CHSY3: variants seen among roughly 807,000 people sequenced by gnomAD.
CHSY3 encodes N-acetylgalactosaminyl-proteoglycan 3-beta-glucuronosyltransferase 3.
A neutral mutation model predicts 67.2 loss-of-function variants in CHSY3; 35 were observed. The ratio of observed to expected loss-of-function variants is 0.52; its 90% CI spans 0.40 to 0.69. The LOEUF is 0.69. Among genes scored for constraint, CHSY3 ranks in the 30% least tolerant of loss-of-function variants. The pLI, the probability that CHSY3 is intolerant of heterozygous loss-of-function variation, is 0.00. For synonymous variants in CHSY3, 474 were observed against 434.7 expected (o/e 1.09, Z -1.12); for missense variants, 1,069 against 1,138.5 (o/e 0.94, Z 0.88).
chr5:130,104,312 A>C (rs562316397), intron 2 of CHSY3, among the ~76,000 whole-genome samples: 1 of 152,054 alleles, frequency 6.6e-6, no homozygotes, highest in South Asian at 2.1e-4. Flanking sequence ...ATGTTTTCTC[A>C]TGGGAATCCT....
chr5:130,046,531 T>C (rs1765154995), intron 2 of CHSY3, among the ~76,000 whole-genome samples: 1 of 152,140 alleles, frequency 6.6e-6, no homozygotes, highest in South Asian at 2.1e-4. Flanking sequence ...AAGCTGTACC[T>C]ACAGAGACAG....
rs1760176658 is a variant in CHSY3 at position 129,904,861 on chromosome 5, G to A, written c.32G>A (p.Ser11Asn). The change falls in exon 1 of 3, where the codon AGC becomes AAC. Residue 11 changes from serine to asparagine, a missense_variant. Physicochemically the swap from Ser to Asn is conservative, Grantham distance 46. This residue lies in a region of CHSY3 where 309 missense variants were observed against 262.5 expected (regional missense o/e 1.18). Coordinates refer to ENST00000305031, the MANE Select transcript of CHSY3 (RefSeq NM_175856.5). MAVRSRRPWM[S>N]VALGLVLGFT... is the part of the protein sequence containing the mutation. ...GTGCGCTCTCGCCGCCCGTGGATGA[G>A]CGTGGCATTAGGGCTGGTGCTGGGC... 2.0e-6 allele frequency: 3 copies of A among 1,471,236 alleles called. No homozygotes were observed. Among genetic ancestry groups the A allele is most frequent in the Non-Finnish European group, 1.8e-6 (2 of 1,107,216 alleles). The allele number at this position is 1,471,236 out of a possible 1,614,324, so 91.1% of individuals were successfully genotyped here.
chr5:129,991,877 C>A (rs775925914), intron 2 of CHSY3, among the ~76,000 whole-genome samples: 6 of 152,130 alleles, frequency 3.9e-5, no homozygotes, highest in Non-Finnish European at 5.9e-5. Context: ...CAAAAGATTT[C>A]AGGGAACATG....
intron 2 of CHSY3, among the ~76,000 whole-genome samples, chr5:129,939,298 G>T (rs1221398770): frequency 6.6e-6 from 1 of 152,128 alleles, no homozygotes; most frequent in Non-Finnish European, 1.5e-5. Context: ...GGGGATTGCA[G>T]TTCAACATGA....
chr5:130,160,816 A>G (rs1769508893), intron 2 of CHSY3, among the ~76,000 whole-genome samples: 1 of 152,156 alleles, frequency 6.6e-6, no homozygotes, highest in African/African-American at 2.4e-5. Flanking sequence ...CTACAACTAC[A>G]GATAATCCTT....
chr5:129,946,122 C>A (rs1761848279), intron 2 of CHSY3, among the ~76,000 whole-genome samples: 1 of 152,120 alleles, frequency 6.6e-6, no homozygotes. Context: ...AATATTCTTA[C>A]TTTGTTCACC....
intron 2 of CHSY3, among the ~76,000 whole-genome samples, chr5:130,134,365 A>G (rs1230125540): frequency 6.6e-6 from 1 of 152,214 alleles, no homozygotes; most frequent in East Asian, 1.9e-4. Context: ...TAAAAGTAAG[A>G]TATTTTGGTA....
At chr5:130,160,966 G>A (rs370971208) in intron 2 of CHSY3, among the ~76,000 whole-genome samples, 57 of 149,732 alleles carry the variant, frequency 3.8e-4, no homozygotes, top group East Asian at 2.6e-3. Context: ...GTGCAGTGGC[G>A]CGATCTCGGC....
At chr5:130,137,080 A>G (rs958352519) in intron 2 of CHSY3, among the ~76,000 whole-genome samples, 2 of 152,176 alleles carry the variant, frequency 1.3e-5, no homozygotes, top group South Asian at 2.1e-4. Flanking sequence ...GTCTTCAGAG[A>G]GAGCTAAGAA....
chr5:130,044,344 G>A (rs1033111192), intron 2 of CHSY3, among the ~76,000 whole-genome samples: 4 of 152,052 alleles, frequency 2.6e-5, no homozygotes, highest in Admixed American at 2.0e-4. Context: ...TATGATGGTA[G>A]AAGCATCATC....
At chr5:130,148,203 G>A (rs183133024) in intron 2 of CHSY3, among the ~76,000 whole-genome samples, 168 of 152,160 alleles carry the variant, frequency 1.1e-3, no homozygotes, top group Middle Eastern at 3.4e-3. Flanking sequence ...CTCTAGCTCC[G>A]TTCATGTTCC....
At chr5:130,025,046 G>A (rs1199782771) in intron 2 of CHSY3, among the ~76,000 whole-genome samples, 1 of 152,074 alleles carries the variant, frequency 6.6e-6, no homozygotes, top group African/African-American at 2.4e-5. Context: ...AAAATAGAAA[G>A]TTCTTCCCTT....
chr5:129,989,198 CAG>C (rs1269368653), intron 2 of CHSY3, among the ~76,000 whole-genome samples: 1 of 151,264 alleles, frequency 6.6e-6, no homozygotes, highest in Non-Finnish European at 1.5e-5. Context: ...AGCCTTCTAA[CAG>C]GGTCATCCCA....
At chr5:129,952,142 A>C (rs1762042802) in intron 2 of CHSY3, among the ~76,000 whole-genome samples, 1 of 152,194 alleles carries the variant, frequency 6.6e-6, no homozygotes, top group Non-Finnish European at 1.5e-5. Context: ...CAAGAGACTG[A>C]TGTTGGAGGA....
intron 2 of CHSY3, among the ~76,000 whole-genome samples, chr5:130,080,844 G>GA (rs1766422802): frequency 6.6e-6 from 1 of 151,910 alleles, no homozygotes; most frequent in African/African-American, 2.4e-5. Context: ...AAGGTTCACA[G>GA]AAAAAGAAAC....
intron 2 of CHSY3, among the ~76,000 whole-genome samples, chr5:129,954,661 G>T (rs184185262): frequency 1.3e-5 from 2 of 152,114 alleles, no homozygotes; most frequent in South Asian, 4.1e-4. Context: ...ATTTCCTTGA[G>T]CAGTGGTTTC....
chr5:130,137,600 CTCAT>C (rs1327406710), intron 2 of CHSY3, among the ~76,000 whole-genome samples: 1 of 152,136 alleles, frequency 6.6e-6, no homozygotes, highest in African/African-American at 2.4e-5. Context: ...AACATATACT[CTCAT>C]TTATTTATTA....
chr5:130,102,963 A>G (rs1767295334), intron 2 of CHSY3, among the ~76,000 whole-genome samples: 1 of 152,090 alleles, frequency 6.6e-6, no homozygotes, highest in African/African-American at 2.4e-5. Context: ...TAACTCAAGG[A>G]AGAAAATATG....
intron 2 of CHSY3, among the ~76,000 whole-genome samples, chr5:129,924,397 C>T (rs1761026570): frequency 6.6e-6 from 1 of 152,036 alleles, no homozygotes. Context: ...CCTGTAATCC[C>T]AGCACTTTGG....
Sources: gnomAD v4.1 joint callset for allele counts (sites outside exome capture counted in the v4.1 genomes callset) on GRCh38, gnomAD v4.1.1 for gene constraint, gnomAD v4.1.1 regional missense constraint, MANE v1.5 for transcripts, NCBI Gene and HGNC (gene_info 2026-07-23, HGNC 2026-07-21) for gene names.